Variants in THSD7A observed in about 807,000 individuals in gnomAD.
THSD7A encodes thrombospondin type 1 domain containing 7A, also known as thrombospondin type-1 domain-containing protein 7A.
THSD7A carries 96 observed loss-of-function variants against 231.3 expected under a neutral mutation model. That is an observed-to-expected ratio of 0.41 (90% CI 0.35 to 0.49). The LOEUF is 0.49. Ranked by LOEUF, THSD7A falls within the 20% of genes least tolerant of loss-of-function variation. The probability of loss-of-function intolerance (pLI) is 0.05; values close to 1 mark genes in which losing one functional copy is unlikely to be tolerated. For missense variants in THSD7A, 2,290 were observed against 2,070.2 expected, an observed-to-expected ratio of 1.11 and a Z score of -2.06; for synonymous variants, 940 against 743.3, an observed-to-expected ratio of 1.26 and a Z score of -4.30.
chr7:11,704,144 G>A (rs560635436), intron 1 of THSD7A, among the ~76,000 whole-genome samples: 70 of 150,980 alleles, frequency 4.6e-4, no homozygotes, highest in Non-Finnish European at 3.6e-4. Flanking sequence ...GAAAAAGATA[G>A]TTTCTACCTA....
At chr7:11,712,633 G>C (rs1338330490) in intron 1 of THSD7A, among the ~76,000 whole-genome samples, 1 of 150,974 alleles carries the variant, frequency 6.6e-6, no homozygotes, top group African/African-American at 2.4e-5. Context: ...TGACCCAAAT[G>C]AACTTGATGT....
chr7:11,614,489 T>G (rs1781040390), intron 2 of THSD7A, among the ~76,000 whole-genome samples: 1 of 152,232 alleles, frequency 6.6e-6, no homozygotes, highest in African/African-American at 2.4e-5. Context: ...CTCCCAGTAC[T>G]GCTGTAGCTG....
At chr7:11,532,179 G>A (rs948981236) in intron 6 of THSD7A, among the ~76,000 whole-genome samples, 2 of 151,858 alleles carry the variant, frequency 1.3e-5, no homozygotes, top group Admixed American at 1.3e-4. Context: ...GACATCAGTG[G>A]GGCCAACTTA....
rs191593920 is a variant in THSD7A at position 11,370,867 on chromosome 7, C to G, written c.*4927G>C. On this transcript the variant is annotated 3_prime_UTR_variant, in exon 28 of 28. Transcript: ENST00000423059. The stretch of plus-strand genomic sequence containing the variant: ...TGATAGAAATGGAGAAAAAAAGTAC[C>G]AGAAAAGGAATCTAAATGTTTACTT... 2.0e-5 allele frequency: 3 copies of G among 152,004 alleles called. No homozygotes were observed. The highest frequency in any genetic ancestry group is 7.2e-5 in the African/African-American group (3 of 41,478). 9.4% of individuals were successfully genotyped at this position (152,004 alleles called of 1,614,324 possible). A position where few individuals can be genotyped will look rare whatever the true frequency, so the allele number is the denominator to read the frequency against.
intron 1 of THSD7A, among the ~76,000 whole-genome samples, chr7:11,825,508 G>T (rs866084905): frequency 3.3e-5 from 5 of 152,020 alleles, no homozygotes; most frequent in African/African-American, 9.7e-5. Flanking sequence ...TTAAGAGAAG[G>T]CTAATGCACA....
intron 9 of THSD7A, among the ~76,000 whole-genome samples, chr7:11,468,855 G>T (rs1277088250): frequency 1.3e-5 from 2 of 151,688 alleles, no homozygotes; most frequent in Non-Finnish European, 2.9e-5. Flanking sequence ...ATAAAATAAA[G>T]AATAATAATA....
At chr7:11,499,125 A>T (rs377385403) in intron 6 of THSD7A, among the ~76,000 whole-genome samples, 2 of 152,316 alleles carry the variant, frequency 1.3e-5, no homozygotes, top group South Asian at 2.1e-4. Context: ...TAAGGGCCTT[A>T]TCCACACCTC....
At chr7:11,732,046 T>G (rs1352811970) in intron 1 of THSD7A, among the ~76,000 whole-genome samples, 1 of 151,710 alleles carries the variant, frequency 6.6e-6, no homozygotes, top group Admixed American at 6.6e-5. Flanking sequence ...TTAAGAACAA[T>G]GCTACTTATT....
chr7:11,422,811 T>C (rs1241437246), intron 16 of THSD7A, among the ~76,000 whole-genome samples: 2 of 151,830 alleles, frequency 1.3e-5, no homozygotes, highest in African/African-American at 4.8e-5. Flanking sequence ...TGCCACCATG[T>C]GCAGCTAATT....
intron 11 of THSD7A, among the ~76,000 whole-genome samples, chr7:11,451,212 G>A (rs1272311904): frequency 3.3e-5 from 5 of 151,992 alleles, no homozygotes; most frequent in African/African-American, 1.2e-4. Context: ...AGTGACCTAA[G>A]AAATACACGA....
At chr7:11,521,569 C>T (rs1407879759) in intron 6 of THSD7A, among the ~76,000 whole-genome samples, 1 of 142,220 alleles carries the variant, frequency 7.0e-6, no homozygotes, top group Non-Finnish European at 1.5e-5. Flanking sequence ...TATACATGTG[C>T]CATGCTGGTG....
chr7:11,426,569 T>A lies in THSD7A; in HGVS notation c.3249+97A>T, dbSNP rs1462986389. 14 of 1,319,036 alleles carry A rather than the reference T, an allele frequency of 1.1e-5. No individual in the cohort carries two copies. The Admixed American group carries it at 3.3e-4, about 31-fold the overall frequency. 81.7% of individuals were successfully genotyped at this position (1,319,036 alleles called of 1,614,324 possible). A position where few individuals can be genotyped will look rare whatever the true frequency, so the allele number is the denominator to read the frequency against. The stretch of plus-strand genomic sequence containing the variant: ...TATGACATTTTCTCCCTGTAAAACA[T>A]AAAAGACAAAGCAAGAAGAGAAATG... On this transcript the variant is annotated intron_variant, in intron 15 of 27. Coordinates refer to ENST00000423059, the MANE Select transcript of THSD7A (RefSeq NM_015204.3).
chr7:11,823,604 ATTTG>A (rs1465934047), intron 1 of THSD7A, among the ~76,000 whole-genome samples: 1 of 152,050 alleles, frequency 6.6e-6, no homozygotes, highest in Non-Finnish European at 1.5e-5. Flanking sequence ...ATGTTTTTCC[ATTTG>A]TTTGTGTCAT....
intron 7 of THSD7A, among the ~76,000 whole-genome samples, chr7:11,478,816 G>C (rs915166444): frequency 7.9e-5 from 12 of 152,036 alleles, no homozygotes; most frequent in African/African-American, 1.2e-4. Context: ...TACACAATAA[G>C]AACACTGAGT....
At position 11,379,263 on chromosome 7, in the gene THSD7A, A is replaced by G. The variant is rs1249651619; in HGVS notation, c.4608T>C (p.Cys1536=). 1.2e-6 allele frequency: 2 copies of G among 1,613,602 alleles called. No individual in the cohort carries two copies. Among genetic ancestry groups the G allele is most frequent in the Admixed American group, 3.3e-5 (2 of 59,994 alleles). Residue 1536 remains cysteine (C), a synonymous_variant, in exon 26 of 28, where the codon TGT becomes TGC. Coordinates refer to ENST00000423059, the MANE Select transcript of THSD7A (RefSeq NM_015204.3). ...ACATGACTTCAGTGTACCCTTCTTC[A>G]CAATGGCATGTTTTTGTCTGCAGGA... ...SYCSETKTCH[C]EEGYTEVMSS...
chr7:11,392,150 T>C (rs187302693), intron 23 of THSD7A, among the ~76,000 whole-genome samples: 122 of 152,106 alleles, frequency 8.0e-4, no homozygotes, highest in African/African-American at 2.6e-3. Flanking sequence ...TCCAGTGAGA[T>C]TGATGCAGAA....
intron 16 of THSD7A, 102 bp downstream of exon 16, chr7:11,424,594 T>A: frequency 6.6e-7 from 1 of 1,510,384 alleles, no homozygotes; most frequent in Non-Finnish European, 8.9e-7. Context: ...GCAGACAATT[T>A]TATCCAGAAG....
At chr7:11,725,707 A>C (rs1191743924) in intron 1 of THSD7A, among the ~76,000 whole-genome samples, 1 of 151,964 alleles carries the variant, frequency 6.6e-6, no homozygotes, top group African/African-American at 2.4e-5. Flanking sequence ...TGGCCATGAA[A>C]TAGAGATGCT....
chr7:11,516,942 C>A (rs571336768), intron 6 of THSD7A, among the ~76,000 whole-genome samples: 9 of 152,196 alleles, frequency 5.9e-5, no homozygotes, highest in Non-Finnish European at 8.8e-5. Flanking sequence ...AGAGCCTTTA[C>A]ATGATGCAAT....
Sources: allele counts gnomAD v4.1 joint callset (sites outside exome capture counted in the v4.1 genomes callset), GRCh38; gene constraint gnomAD v4.1.1; transcripts MANE v1.5; gene names NCBI Gene and HGNC (gene_info 2026-07-23, HGNC 2026-07-21).